Variants in ASGR2 observed in about 807,000 individuals in gnomAD.
The protein encoded by ASGR2 is C-type lectin domain family 4 member H2.
In ASGR2, 34 loss-of-function variants were observed where a neutral mutation model predicts 32.3. The ratio of observed to expected loss-of-function variants is 1.05; its 90% confidence interval spans 0.80 to 1.40. The LOEUF is 1.40. Among genes scored for constraint, ASGR2 ranks in the 40% most tolerant of loss-of-function variants. The pLI is 0.00. For synonymous variants in ASGR2, 143 were observed against 150.0 expected, an observed-to-expected ratio of 0.95 and a Z score of 0.34; for missense variants, 385 against 386.4, an observed-to-expected ratio of 1.00 and a Z score of 0.03.
Position 7,101,508 on chromosome 17 carries a change from A to T in ASGR2, c.*67T>A. 6.4e-7 allele frequency: 1 copy of T among 1,560,934 alleles called. No individual in the cohort carries two copies. The highest frequency in any genetic ancestry group is 8.7e-7 in the Non-Finnish European group (1 of 1,150,990). On this transcript the variant is annotated 3_prime_UTR_variant, in exon 9 of 9. Transcript: ENST00000691900. ...GTCTCAGTGTTTCTTCCTTTCCTCA[A>T]AATCCTCAACAGAGAAGCCAGAGCT... is the stretch of plus-strand genomic sequence containing the variant.
At chr17:7,104,856 A>G (rs1017932928) in intron 7 of ASGR2, among the ~76,000 whole-genome samples, 4 of 151,536 alleles carry the variant, frequency 2.6e-5, no homozygotes, top group African/African-American at 9.7e-5. Flanking sequence ...GGTGCCTGTA[A>G]TCTCAGCTAC....
chr17:7,101,341 C>T lies in ASGR2; in HGVS notation c.*234G>A, dbSNP rs1176406548. 4.0e-6 allele frequency: 2 copies of T among 497,592 alleles called. No individual in the cohort carries two copies. The highest frequency in any genetic ancestry group is 6.6e-5 in the East Asian group (2 of 30,274). The allele number at this position is 497,592 out of a possible 1,614,324, so 30.8% of individuals were successfully genotyped here. ...CACACAGAGATTCAAGCATTTGTTT[C>T]TTCTTTCCTACGCCATTGAAGAGGC... On this transcript the variant is annotated 3_prime_UTR_variant, in exon 9 of 9. Transcript: ENST00000691900.
rs558846843 is a variant in ASGR2, at chr17:7,107,670, C to A, written c.409+166G>T. Reference sequence around the variant, plus strand: ...CTACACACCACACACAGATCCATGACATATCACACCACACATACGGAGAGA... The same window carrying A: ...CTACACACCACACACAGATCCATGAAATATCACACCACACATACGGAGAGA... On this transcript the variant is annotated intron_variant, in intron 5 of 8. Transcript: ENST00000691900. The surrounding 1 kb of genome is among the most constrained non-coding windows in gnomAD (Gnocchi z 5.0). 1.4e-5 allele frequency: 12 copies of A among 868,138 alleles called. No individual in the cohort carries two copies. In the African/African-American group the frequency reaches 1.5e-4, roughly 11 times the overall value. 53.8% of individuals were successfully genotyped at this position (868,138 alleles called of 1,614,324 possible).
chr17:7,108,936 G>A lies in ASGR2; in HGVS notation c.125-48C>T, dbSNP rs779776239. 23 of 1,542,210 alleles carry A rather than the reference G, an allele frequency of 1.5e-5. No individual in the cohort carries two copies. The highest frequency in any genetic ancestry group is 5.0e-5 in the East Asian group (2 of 40,270). On this transcript the variant is annotated intron_variant, in intron 2 of 8. Coordinates refer to ENST00000691900, the MANE Select transcript of ASGR2 (RefSeq NM_001201352.2). The surrounding 1 kb of genome is among the most constrained non-coding windows in gnomAD (Gnocchi z 4.9). Reference sequence around the variant, plus strand: ...GCCGGCAGCCTGGGTGTGGGGAGCCGGAGGGTAAAGACAGGGCACCGAAGC... The same window carrying A: ...GCCGGCAGCCTGGGTGTGGGGAGCCAGAGGGTAAAGACAGGGCACCGAAGC...
At position 7,108,779 on chromosome 17, in the gene ASGR2, C is replaced by T. The variant is rs141860287; in HGVS notation, c.234G>A (p.Gly78=). The T allele has an allele frequency of 3.1e-6, 5 of 1,614,080 alleles. No individual in the cohort carries two copies. The South Asian group carries it at 5.5e-5, about 18-fold the overall frequency. Residue 78 remains glycine, a synonymous_variant, in exon 3 of 9, where the codon GGG becomes GGA. Transcript: ENST00000691900. This position sits in a 1 kb window ranked among gnomAD's most constrained non-coding sequence, Gnocchi z 4.9. ...GGCCCCCGTGACCCTCACTTTGGGA[C>T]CCAGTCACACAGATGACCACCAGCA... ...ILLLVVICVT[G]SQSAQLQAEL... is the part of the protein sequence containing the mutation.
chr17:7,102,923 G>A lies in ASGR2; in HGVS notation c.649-727C>T, dbSNP rs971475628. Among the ~76,000 whole-genome samples the A allele has an allele frequency of 1.7e-4, 26 of 152,182 alleles. 1 individual carries two copies. Among genetic ancestry groups the A allele is most frequent in the Non-Finnish European group, 3.2e-4 (22 of 68,028 alleles). ...CCAGTTGCCAGGGGCTTGGGTGAAA[G>A]TGGACTTCGAGCCTGCAGATAGCTC... On this transcript the variant is annotated intron_variant, in intron 7 of 8. Transcript: ENST00000691900.
At position 7,104,600 on chromosome 17, in the gene ASGR2, G is replaced by A. The variant is rs569980191; in HGVS notation, c.648+2400C>T. Reference sequence around the variant, plus strand: ...CGGGAGGCAGAGCTTGCAATGAGTCGAGATCGTGTCACTGCACTCCAGCCT... The same window carrying A: ...CGGGAGGCAGAGCTTGCAATGAGTCAAGATCGTGTCACTGCACTCCAGCCT... On this transcript the variant is annotated intron_variant, in intron 7 of 8. Transcript: ENST00000691900. Among the ~76,000 whole-genome samples the A allele has an allele frequency of 4.0e-5, 6 of 151,484 alleles. No homozygotes were observed. The East Asian group carries it at 1.2e-3, about 30-fold the overall frequency.
In ASGR2 at chr17:7,108,318, T is replaced by C; in HGVS notation, c.337+144A>G. The stretch of plus-strand genomic sequence containing the variant: ...CTAACCTCGTCCGTCCCCACCTGCC[T>C]CCCTCCTATACATCCCCCAGGGCCC... On this transcript the variant is annotated intron_variant, in intron 4 of 8. Transcript: ENST00000691900. The surrounding 1 kb of genome is among the most constrained non-coding windows in gnomAD (Gnocchi z 4.9). 1.2e-6 allele frequency: 1 copy of C among 826,024 alleles called. No individual in the cohort carries two copies. Among genetic ancestry groups the C allele is most frequent in the South Asian group, 1.8e-5 (1 of 55,972 alleles). The allele number at this position is 826,024 out of a possible 1,614,324, so 51.2% of individuals were successfully genotyped here.
chr17:7,102,210 C>T lies in ASGR2; in HGVS notation c.649-14G>A. ...TACAATGAATTTCTGGAAACACAGGCAAACAGGAAATTTCTAGTCTCTTGT... is the reference window on the plus strand; with the variant it reads ...TACAATGAATTTCTGGAAACACAGGTAAACAGGAAATTTCTAGTCTCTTGT... On this transcript the variant is annotated splice_polypyrimidine_tract_variant and intron_variant, in intron 7 of 8. Coordinates refer to ENST00000691900, the MANE Select transcript of ASGR2 (RefSeq NM_001201352.2). The T allele has an allele frequency of 6.2e-7, 1 of 1,605,152 alleles. No individual in the cohort carries two copies. The highest frequency in any genetic ancestry group is 1.3e-5 in the African/African-American group (1 of 74,840).
chr17:7,106,797 G>A (rs1913752449), intron 7 of ASGR2, among the ~76,000 whole-genome samples: 1 of 152,048 alleles, frequency 6.6e-6, no homozygotes, highest in Non-Finnish European at 1.5e-5. Flanking sequence ...CCAGCACTTT[G>A]GGAGGCCGAG....
chr17:7,108,696 C>T lies in ASGR2; in HGVS notation c.241+76G>A, dbSNP rs1160087701. The T allele has an allele frequency of 1.2e-5, 19 of 1,611,528 alleles. No homozygotes were observed. The highest frequency in any genetic ancestry group is 2.2e-5 in the East Asian group (1 of 44,840). On this transcript the variant is annotated intron_variant, in intron 3 of 8. Coordinates refer to ENST00000691900, the MANE Select transcript of ASGR2 (RefSeq NM_001201352.2). The surrounding 1 kb of genome is among the most constrained non-coding windows in gnomAD (Gnocchi z 4.9). ...CCTCCATCCCTTCCCCTCCCATCGC[C>T]CCGATCGCTGCCCGCCACTGCCCAT...
Position 7,107,885 on chromosome 17 carries a change from G to C in ASGR2, c.360C>G (p.Ile120Met), listed in dbSNP as rs745380115. 1 of 1,613,164 alleles carries C rather than the reference G, an allele frequency of 6.2e-7. No homozygotes were observed. The highest frequency in any genetic ancestry group is 1.7e-5 in the Admixed American group (1 of 59,998). The change falls in exon 5 of 9, where the codon ATC (isoleucine) becomes ATG (methionine). Residue 120 changes from isoleucine to methionine, a missense_variant. Coordinates refer to ENST00000691900, the MANE Select transcript of ASGR2 (RefSeq NM_001201352.2). The surrounding 1 kb of genome is among the most constrained non-coding windows in gnomAD (Gnocchi z 5.0). ...STHGGSVGDK[I>M]TSLGAKLEKQ... ...TCTCCAGCTTGGCTCCTAGGGATGT[G>C]ATCTTGTCACCCACGCTGCCTCCTG... is the stretch of plus-strand genomic sequence containing the variant.
chr17:7,101,541 T>A lies in ASGR2; in HGVS notation c.*34A>T. 6.2e-7 allele frequency: 1 copy of A among 1,602,074 alleles called. No homozygotes were observed. Among genetic ancestry groups the A allele is most frequent in the Non-Finnish European group, 8.5e-7 (1 of 1,171,852 alleles). ...AACAGAGAAGCCAGAGCTGGGCAGG[T>A]GTGGGGTATGGGTTAGCCAGAGGTG... On this transcript the variant is annotated 3_prime_UTR_variant, in exon 9 of 9. Coordinates refer to ENST00000691900, the MANE Select transcript of ASGR2 (RefSeq NM_001201352.2).
At chr17:7,111,781 T>G (rs917973868) in intron 2 of ASGR2, among the ~76,000 whole-genome samples, 30 of 151,304 alleles carry the variant, frequency 2.0e-4, no homozygotes, top group Non-Finnish European at 1.0e-4. Context: ...CCCAGCACTT[T>G]GGGAGGTCGA....
Position 7,108,769 on chromosome 17 carries a change from C to G in ASGR2, c.241+3G>C, listed in dbSNP as rs749177089. On this transcript the variant is annotated splice_donor_region_variant and intron_variant, in intron 3 of 8. Coordinates refer to ENST00000691900, the MANE Select transcript of ASGR2 (RefSeq NM_001201352.2). The surrounding 1 kb of genome is among the most constrained non-coding windows in gnomAD (Gnocchi z 4.9). ...CATCCCTGCTGGCCCCCGTGACCCT[C>G]ACTTTGGGACCCAGTCACACAGATG... The G allele has an allele frequency of 3.7e-6, 6 of 1,614,086 alleles. No homozygotes were observed. The East Asian group carries it at 1.3e-4, about 36-fold the overall frequency.
intron 2 of ASGR2, among the ~76,000 whole-genome samples, chr17:7,112,596 G>A (rs924450975): frequency 1.3e-5 from 2 of 152,146 alleles, no homozygotes; most frequent in East Asian, 1.9e-4. Context: ...AGAGTGAGGC[G>A]GACAGGGCCT....
In ASGR2 at chr17:7,114,047, ACCT is replaced by A; in HGVS notation, c.124+67_124+69del. 1 of 1,594,996 alleles carries A rather than the reference ACCT, an allele frequency of 6.3e-7. No homozygotes were observed. The highest frequency in any genetic ancestry group is 1.3e-5 in the African/African-American group (1 of 74,840). On this transcript the variant is annotated intron_variant, in intron 2 of 8. Coordinates refer to ENST00000691900, the MANE Select transcript of ASGR2 (RefSeq NM_001201352.2). This position sits in a 1 kb window ranked among gnomAD's most constrained non-coding sequence, Gnocchi z 4.5. ...TGTTCACAGAGTGGGTGCGGCAGAG[ACCT>A]CAAAGGGACAGAGCAATCATGAGCT...
Position 7,107,945 on chromosome 17 carries a change from C to T in ASGR2, c.338-38G>A, listed in dbSNP as rs1914071152. ...AGCCAGCTGTTTCCCCGCTGAGCCTCCCTCCGTCCTCATGCTGCTGGGGGA... is the reference window on the plus strand; with the variant it reads ...AGCCAGCTGTTTCCCCGCTGAGCCTTCCTCCGTCCTCATGCTGCTGGGGGA... On this transcript the variant is annotated intron_variant, in intron 4 of 8. Transcript: ENST00000691900. This position sits in a 1 kb window ranked among gnomAD's most constrained non-coding sequence, Gnocchi z 5.0. The T allele has an allele frequency of 6.2e-7, 1 of 1,611,840 alleles. No individual in the cohort carries two copies. The highest frequency in any genetic ancestry group is 1.7e-5 in the Admixed American group (1 of 59,940).
chr17:7,111,385 C>T (rs778233806), intron 2 of ASGR2, among the ~76,000 whole-genome samples: 2 of 152,086 alleles, frequency 1.3e-5, no homozygotes, highest in Non-Finnish European at 2.9e-5. Context: ...GGCCAGGCGC[C>T]GTGGCTCACG....
Sources: gnomAD v4.1 joint callset for allele counts (sites outside exome capture counted in the v4.1 genomes callset) on GRCh38, gnomAD v4.1.1 for gene constraint, Gnocchi (gnomAD v3.1) non-coding constraint, MANE v1.5 for transcripts, NCBI Gene and HGNC (gene_info 2026-07-23, HGNC 2026-07-21) for gene names.